The following CORO2B variants were observed in gnomAD, a reference collection of about 807,000 sequenced individuals.
CORO2B encodes the protein coronin-2B.
In CORO2B, 26 loss-of-function variants were observed where a neutral mutation model predicts 58.8. The observed-to-expected ratio is 0.44, with a 90% CI of 0.32 to 0.61. The LOEUF (loss-of-function observed/expected upper bound fraction) is 0.61, where lower values mean the gene tolerates loss of function less well. Among genes scored for constraint, CORO2B ranks in the 20% least tolerant of loss-of-function variants. The probability of loss-of-function intolerance (pLI) is 0.04; values close to 1 mark genes in which losing one functional copy is unlikely to be tolerated. For synonymous variants in CORO2B, 242 were observed against 253.8 expected, an observed-to-expected ratio of 0.95 and a Z score of 0.44; for missense variants, 460 against 645.1, an observed-to-expected ratio of 0.71 and a Z score of 3.11.
intron 2 of CORO2B, among the ~76,000 whole-genome samples, chr15:68,687,841 A>T (rs1387837796): frequency 6.6e-6 from 1 of 152,088 alleles, no homozygotes; most frequent in Non-Finnish European, 1.5e-5. Context: ...TAACAAACCC[A>T]CTCACAAGAC....
At chr15:68,603,275 T>C (rs1430304942) in intron 1 of CORO2B, among the ~76,000 whole-genome samples, 1 of 152,106 alleles carries the variant, frequency 6.6e-6, no homozygotes, top group African/African-American at 2.4e-5. Context: ...AACAAATAAA[T>C]GAATTGAATG....
chr15:68,637,645 C>G (rs1452462246), intron 1 of CORO2B, among the ~76,000 whole-genome samples: 1 of 152,198 alleles, frequency 6.6e-6, no homozygotes, highest in Non-Finnish European at 1.5e-5. Flanking sequence ...AAGTGCCAGT[C>G]TTTCTCTGAC....
intron 2 of CORO2B, among the ~76,000 whole-genome samples, chr15:68,656,756 A>G (rs953261003): frequency 2.0e-5 from 3 of 152,206 alleles, no homozygotes; most frequent in African/African-American, 7.2e-5. Flanking sequence ...TTTGCCAGCT[A>G]TGTTCTTTGG....
At chr15:68,634,362 CTT>C (rs1410981806) in intron 1 of CORO2B, among the ~76,000 whole-genome samples, 1 of 152,194 alleles carries the variant, frequency 6.6e-6, no homozygotes, top group East Asian at 1.9e-4. Context: ...ACCCAAAGCA[CTT>C]TTGAAGGTGC....
At chr15:68,585,274 A>G (rs1417232051) in intron 1 of CORO2B, among the ~76,000 whole-genome samples, 1 of 152,192 alleles carries the variant, frequency 6.6e-6, no homozygotes, top group Admixed American at 6.5e-5. Flanking sequence ...AATGTGGGTC[A>G]GAGGCGGGAT....
At chr15:68,576,167 A>AAG (rs1899282684), upstream of CORO2B, among the ~76,000 whole-genome samples, 1 of 148,730 alleles carries the variant, frequency 6.7e-6, no homozygotes, top group South Asian at 2.1e-4. Context: ...AAAAAAAAAA[A>AAG]AAAAAAAAAG....
chr15:68,568,792 C>A, the CORO2B span, among the ~76,000 whole-genome samples: 1 of 151,944 alleles, frequency 6.6e-6, no homozygotes, highest in South Asian at 2.1e-4. Flanking sequence ...AACACATGGA[C>A]ACAGGGAGGG....
chr15:68,644,974 G>C (rs1901374328), intron 1 of CORO2B, among the ~76,000 whole-genome samples, 186 bp from the exon 2 acceptor site: 1 of 152,164 alleles, frequency 6.6e-6, no homozygotes, highest in Non-Finnish European at 1.5e-5. Context: ...ACTAGAACGG[G>C]CTGGGCATAT....
In CORO2B at chr15:68,594,382, G is replaced by A. The variant is rs538237890; in HGVS notation, c.15+15105G>A. 5.9e-5 allele frequency among the ~76,000 whole-genome samples: 9 copies of A among 152,334 alleles called. No homozygotes were observed. The South Asian group carries it at 1.9e-3, about 32-fold the overall frequency. On this transcript the variant is annotated intron_variant, in intron 1 of 11. Transcript: ENST00000261861. ...AGCTGTGGGTGGATGGGTAGGTGGA[G>A]GCGCTTTTGGTACAAGCTGAGCTGT... is the stretch of plus-strand genomic sequence containing the variant.
intron 2 of CORO2B, among the ~76,000 whole-genome samples, chr15:68,671,224 A>G (rs902637450): frequency 2.6e-5 from 4 of 152,184 alleles, no homozygotes; most frequent in Non-Finnish European, 5.9e-5. Context: ...CATAATAGGA[A>G]TTATTCTTCC....
chr15:68,722,263 G>A (rs903789009), intron 11 of CORO2B, among the ~76,000 whole-genome samples: 1 of 152,166 alleles, frequency 6.6e-6, no homozygotes, highest in Non-Finnish European at 1.5e-5. Context: ...AGCTTAAAGG[G>A]TCTCAGAGCA....
At chr15:68,565,105 C>T in the CORO2B span, among the ~76,000 whole-genome samples, 4 of 152,066 alleles carry the variant, frequency 2.6e-5, no homozygotes, top group Middle Eastern at 0.014. Context: ...TAATTATGAG[C>T]AAAGATAGAT....
chr15:68,592,910 T>A (rs1899740839), intron 1 of CORO2B, among the ~76,000 whole-genome samples: 1 of 152,240 alleles, frequency 6.6e-6, no homozygotes, highest in African/African-American at 2.4e-5. Flanking sequence ...TTAGTCCATT[T>A]TCTGCTTCTG....
At chr15:68,625,952 A>C (rs370108197) in intron 1 of CORO2B, among the ~76,000 whole-genome samples, 25 of 152,248 alleles carry the variant, frequency 1.6e-4, no homozygotes, top group African/African-American at 6.0e-4. Context: ...GGGTATCAGT[A>C]GTTTGCTCCT....
At chr15:68,564,349 G>A in the CORO2B span, among the ~76,000 whole-genome samples, 1 of 151,774 alleles carries the variant, frequency 6.6e-6, no homozygotes, top group Non-Finnish European at 1.5e-5. Flanking sequence ...TATTGCCCAG[G>A]CTGCAGTGGG....
At chr15:68,531,703 A>T in the CORO2B span, among the ~76,000 whole-genome samples, 1 of 151,982 alleles carries the variant, frequency 6.6e-6, no homozygotes, top group Non-Finnish European at 1.5e-5. Context: ...TTTCAAAATA[A>T]GAAAAAATAT....
rs141010602 is a variant in CORO2B, at chr15:68,623,047, C to A, written c.16-22113C>A. Among the ~76,000 whole-genome samples the A allele has an allele frequency of 7.2e-4, 110 of 152,270 alleles. 1 individual carries two copies. In the South Asian group the frequency reaches 0.014, roughly 19 times the overall value. ...GGGTGTGGTGGTGGGCACCTGTAAT[C>A]TCAGCTACTCTGGAGACTGAGGCAG... is the stretch of plus-strand genomic sequence containing the variant. On this transcript the variant is annotated intron_variant, in intron 1 of 11. Transcript: ENST00000261861.
intron 10 of CORO2B, 71 bp from the exon 11 acceptor site, chr15:68,719,342 C>A: frequency 6.2e-7 from 1 of 1,604,642 alleles, no homozygotes; most frequent in East Asian, 2.2e-5. Flanking sequence ...TTCCCTCCCA[C>A]CCAGCCTGCT....
At chr15:68,597,567 G>T (rs956400067) in intron 1 of CORO2B, among the ~76,000 whole-genome samples, 1 of 151,278 alleles carries the variant, frequency 6.6e-6, no homozygotes, top group South Asian at 2.1e-4. Flanking sequence ...TGGCTGTTTG[G>T]CCTCTCAAAA....
Sources: allele counts gnomAD v4.1 joint callset (sites outside exome capture counted in the v4.1 genomes callset), GRCh38; gene constraint gnomAD v4.1.1; transcripts MANE v1.5; gene names NCBI Gene and HGNC (gene_info 2026-07-23, HGNC 2026-07-21).